Variants in HS6ST3 observed in about 807,000 individuals in gnomAD.
HS6ST3 encodes the protein heparan-sulfate 6-O-sulfotransferase 3.
Under a neutral mutation model 36.7 loss-of-function variants are expected in HS6ST3, and 12 were observed. The ratio of observed to expected loss-of-function variants is 0.33; its 90% CI spans 0.21 to 0.53. HS6ST3 has a LOEUF of 0.53. Among genes scored for constraint, HS6ST3 ranks in the 20% least tolerant of loss-of-function variants. The pLI is 0.95. For missense variants in HS6ST3, 584 were observed against 640.9 expected, an observed-to-expected ratio of 0.91 and a Z score of 0.96; for synonymous variants, 240 against 257.5, an observed-to-expected ratio of 0.93 and a Z score of 0.65.
chr13:96,542,217 G>A (rs566741254), intron 1 of HS6ST3, among the ~76,000 whole-genome samples: 7 of 152,280 alleles, frequency 4.6e-5, no homozygotes, highest in African/African-American at 1.7e-4. Flanking sequence ...AGCATTACTG[G>A]ACTGGCAGAT....
chr13:96,787,685 G>A (rs932678900), intron 1 of HS6ST3, among the ~76,000 whole-genome samples: 3 of 151,946 alleles, frequency 2.0e-5, no homozygotes, highest in Middle Eastern at 3.4e-3. Context: ...TATGTGATTT[G>A]CAAATATTTT....
chr13:96,570,364 G>A (rs1299774751), intron 1 of HS6ST3, among the ~76,000 whole-genome samples: 1 of 152,120 alleles, frequency 6.6e-6, no homozygotes, highest in Non-Finnish European at 1.5e-5. Flanking sequence ...CCACAGAAAG[G>A]TTTTTTGGTA....
intron 1 of HS6ST3, among the ~76,000 whole-genome samples, chr13:96,666,024 C>T (rs186184547): frequency 7.2e-5 from 11 of 152,102 alleles, no homozygotes; most frequent in East Asian, 1.9e-4. Flanking sequence ...AAGACATACC[C>T]GAGACTGGGT....
chr13:96,725,274 T>C (rs1053495480), intron 1 of HS6ST3, among the ~76,000 whole-genome samples: 4 of 152,264 alleles, frequency 2.6e-5, no homozygotes, highest in Admixed American at 2.6e-4. Context: ...CACAAATCTT[T>C]GGTCAGATAT....
intron 1 of HS6ST3, among the ~76,000 whole-genome samples, chr13:96,392,476 C>A (rs990343727): frequency 6.6e-6 from 1 of 152,082 alleles, no homozygotes; most frequent in South Asian, 2.1e-4. Context: ...GAACACGACC[C>A]CATGAGCACT....
chr13:96,120,876 A>G (rs2053922306), intron 1 of HS6ST3, among the ~76,000 whole-genome samples: 1 of 152,246 alleles, frequency 6.6e-6, no homozygotes, highest in Non-Finnish European at 1.5e-5. Context: ...ATGTATTACA[A>G]AAGCAGTGGA....
At chr13:96,182,087 TG>T (rs1254680620) in intron 1 of HS6ST3, among the ~76,000 whole-genome samples, 22 of 152,214 alleles carry the variant, frequency 1.4e-4, no homozygotes, top group Admixed American at 1.4e-3. Flanking sequence ...TGTAACTAGT[TG>T]GCAAAGGAAT....
intron 1 of HS6ST3, among the ~76,000 whole-genome samples, chr13:96,675,028 G>A (rs2056694437): frequency 6.6e-6 from 1 of 152,086 alleles, no homozygotes; most frequent in Non-Finnish European, 1.5e-5. Context: ...ATCCATTCCA[G>A]CTTTTGCTGT....
rs57672627 is a variant in HS6ST3, at chr13:96,485,646, A to G, written c.708-346844A>G. 8.3e-3 allele frequency among the ~76,000 whole-genome samples: 1,259 copies of G among 152,266 alleles called. 20 individuals carry two copies. Among genetic ancestry groups the G allele is most frequent in the African/African-American group, 0.029 (1,215 of 41,554 alleles). ...AGTGGTGAGAGGGGACATGATTATC[A>G]TGTTCCTGAAATTAGTGGGAAAGCT... On this transcript the variant is annotated intron_variant, in intron 1 of 1. Coordinates refer to ENST00000376705, the MANE Select transcript of HS6ST3 (RefSeq NM_153456.4).
At chr13:96,500,299 G>A (rs924159165) in intron 1 of HS6ST3, among the ~76,000 whole-genome samples, 21 of 152,116 alleles carry the variant, frequency 1.4e-4, no homozygotes, top group African/African-American at 4.6e-4. Flanking sequence ...TCTGTGGTAA[G>A]GATATACCAT....
intron 1 of HS6ST3, among the ~76,000 whole-genome samples, chr13:96,736,472 ACAT>A (rs1448080592): frequency 6.6e-6 from 1 of 152,218 alleles, no homozygotes. Flanking sequence ...TTCATTATAA[ACAT>A]CATCATAAAT....
At chr13:96,609,032 C>T (rs988217353) in intron 1 of HS6ST3, among the ~76,000 whole-genome samples, 6 of 152,172 alleles carry the variant, frequency 3.9e-5, no homozygotes, top group African/African-American at 1.2e-4. Context: ...TGCAGTGGCA[C>T]GATCTCAGCT....
chr13:96,398,947 G>T (rs376957566), intron 1 of HS6ST3, among the ~76,000 whole-genome samples: 1 of 152,196 alleles, frequency 6.6e-6, no homozygotes, highest in Non-Finnish European at 1.5e-5. Flanking sequence ...ACATGAGTTT[G>T]GTTGAGGTCC....
intron 1 of HS6ST3, among the ~76,000 whole-genome samples, chr13:96,110,373 AC>A (rs1386706981): frequency 4.4e-5 from 6 of 137,368 alleles, no homozygotes; most frequent in Admixed American, 2.9e-4. Flanking sequence ...TGACCCAAAC[AC>A]CCCCCTCCAG....
intron 1 of HS6ST3, among the ~76,000 whole-genome samples, chr13:96,732,289 T>G (rs1231027583): frequency 2.0e-5 from 3 of 152,232 alleles, no homozygotes; most frequent in Admixed American, 6.5e-5. Flanking sequence ...TGTTTATGTT[T>G]TCTTCTAGTA....
intron 1 of HS6ST3, among the ~76,000 whole-genome samples, chr13:96,523,876 TTCTCCATCCAG>T (rs898660099): frequency 2.0e-5 from 3 of 152,320 alleles, no homozygotes; most frequent in African/African-American, 7.2e-5. Context: ...GTCAAACTCA[TTCTCCATCCAG>T]TTTTGTTCCC....
intron 1 of HS6ST3, among the ~76,000 whole-genome samples, chr13:96,656,785 T>A (rs2056626391): frequency 6.6e-6 from 1 of 152,152 alleles, no homozygotes; most frequent in South Asian, 2.1e-4. Context: ...CTCCAAGCTT[T>A]AGGCAAGTTC....
intron 1 of HS6ST3, among the ~76,000 whole-genome samples, chr13:96,634,077 G>C (rs2056540818): frequency 6.6e-6 from 1 of 152,156 alleles, no homozygotes; most frequent in African/African-American, 2.4e-5. Context: ...GCCATCTGCA[G>C]CCTGGAAGAG....
At chr13:96,250,456 A>G (rs1314779358) in intron 1 of HS6ST3, among the ~76,000 whole-genome samples, 1 of 152,212 alleles carries the variant, frequency 6.6e-6, no homozygotes, top group Non-Finnish European at 1.5e-5. Context: ...GACAGAAGAG[A>G]AGACTTGGAG....
Sources: gnomAD v4.1 joint callset for allele counts (sites outside exome capture counted in the v4.1 genomes callset) on GRCh38, gnomAD v4.1.1 for gene constraint, MANE v1.5 for transcripts, NCBI Gene and HGNC (gene_info 2026-07-23, HGNC 2026-07-21) for gene names.